The following ZNF267 variants were observed in gnomAD, a reference collection of about 807,000 sequenced individuals.
ZNF267 encodes zinc finger (C2H2).
Under a neutral mutation model 71.6 loss-of-function variants are expected in ZNF267, and 61 were observed. That is an observed-to-expected ratio of 0.85 (90% confidence interval 0.69 to 1.05). ZNF267 has a LOEUF of 1.05. Among genes scored for constraint, ZNF267 ranks in the 50% least tolerant of loss-of-function variants. The probability of loss-of-function intolerance (pLI) is 0.00; values close to 1 mark genes in which losing one functional copy is unlikely to be tolerated. For synonymous variants in ZNF267, 288 were observed against 293.2 expected, an observed-to-expected ratio of 0.98 and a Z score of 0.18; for missense variants, 852 against 870.0, an observed-to-expected ratio of 0.98 and a Z score of 0.26.
At chr16:31,895,193 C>T (rs904125046) in intron 3 of ZNF267, among the ~76,000 whole-genome samples, 2 of 152,204 alleles carry the variant, frequency 1.3e-5, no homozygotes, top group African/African-American at 2.4e-5. Context: ...AGGCAGCCTG[C>T]GGCCAGACAT....
chr16:31,882,131 T>C (rs2083894785), intron 1 of ZNF267, among the ~76,000 whole-genome samples: 1 of 152,060 alleles, frequency 6.6e-6, no homozygotes, highest in South Asian at 2.1e-4. Context: ...ATCCCAGGGG[T>C]TTATATGGCT....
chr16:31,883,685 C>T (rs2083905139), intron 1 of ZNF267, among the ~76,000 whole-genome samples: 1 of 152,148 alleles, frequency 6.6e-6, no homozygotes, highest in African/African-American at 2.4e-5. Flanking sequence ...ATGTAAACAA[C>T]TTTTAGGATG....
chr16:31,887,803 A>G (rs1278581230), intron 3 of ZNF267, among the ~76,000 whole-genome samples: 2 of 152,102 alleles, frequency 1.3e-5, no homozygotes, highest in African/African-American at 4.8e-5. Context: ...TTTGAAATGA[A>G]GAAGTGTGAT....
chr16:31,912,067 TC>T (rs1358216798), intron 3 of ZNF267: 1 of 151,744 alleles, frequency 6.6e-6, no homozygotes, highest in Non-Finnish European at 1.5e-5. Flanking sequence ...ATTGAGTATT[TC>T]TACTTGAGTA....
At chr16:31,885,700 T>C (rs2083919555) in intron 3 of ZNF267, among the ~76,000 whole-genome samples, 2 of 152,242 alleles carry the variant, frequency 1.3e-5, no homozygotes, top group Admixed American at 6.5e-5. Context: ...AGATGTCACA[T>C]ATTTTCTGAT....
At chr16:31,898,655 A>G (rs1355693254) in intron 3 of ZNF267, among the ~76,000 whole-genome samples, 1 of 152,098 alleles carries the variant, frequency 6.6e-6, no homozygotes, top group Non-Finnish European at 1.5e-5. Flanking sequence ...TCTTAAAATT[A>G]TTAACAATTT....
chr16:31,883,595 A>G (rs2083904546), intron 1 of ZNF267, among the ~76,000 whole-genome samples: 1 of 152,228 alleles, frequency 6.6e-6, no homozygotes, highest in South Asian at 2.1e-4. Flanking sequence ...ACAAACTACT[A>G]TGTAGCAAAT....
At chr16:31,890,287 A>G (rs2142339672) in intron 3 of ZNF267, 1 of 152,272 alleles carries the variant, frequency 6.6e-6, no homozygotes, top group African/African-American at 2.4e-5. Flanking sequence ...TGGGTGCTCC[A>G]GTGTTGGGTG....
rs1021736030 is a variant in ZNF267, at chr16:31,877,721, G to GT, written c.3+3758dup. Among the ~76,000 whole-genome samples, 9 of 152,244 alleles carry GT rather than the reference G, an allele frequency of 5.9e-5. No homozygotes were observed. The South Asian group carries it at 8.3e-4, about 14-fold the overall frequency. ...GCATCATCGAAGTCATAATAGGGTT[G>GT]TTTTTTGCAGTAGGCTGTTCTTGGA... On this transcript the variant is annotated intron_variant, in intron 1 of 3. Transcript: ENST00000300870.
chr16:31,874,613 T>C (rs1232284217), intron 1 of ZNF267, among the ~76,000 whole-genome samples: 1 of 152,228 alleles, frequency 6.6e-6, no homozygotes, highest in African/African-American at 2.4e-5. Context: ...CCCCTAAAGT[T>C]GTAATTTACA....
chr16:31,913,022 T>C (rs965674051), intron 3 of ZNF267: 3 of 152,220 alleles, frequency 2.0e-5, no homozygotes, highest in Non-Finnish European at 1.5e-5. Flanking sequence ...TTCAGTTTGT[T>C]AGGTGAGGCC....
At position 31,876,691 on chromosome 16, in the gene ZNF267, T is replaced by C. The variant is rs555249569; in HGVS notation, c.3+2722T>C. 3.9e-5 allele frequency among the ~76,000 whole-genome samples: 6 copies of C among 152,368 alleles called. No homozygotes were observed. The East Asian group carries it at 1.2e-3, about 29-fold the overall frequency. ...TATAAATTATAAAGGCGTTTCACTT[T>C]CCTTTATTCTATAAACACTGTTTGA... is the stretch of plus-strand genomic sequence containing the variant. On this transcript the variant is annotated intron_variant, in intron 1 of 3. Coordinates refer to ENST00000300870, the MANE Select transcript of ZNF267 (RefSeq NM_003414.6).
intron 3 of ZNF267, among the ~76,000 whole-genome samples, chr16:31,905,145 C>G (rs1269089195): frequency 1.3e-5 from 2 of 152,270 alleles, no homozygotes; most frequent in East Asian, 3.9e-4. Context: ...GAGTTTCTGC[C>G]AAGAGATCAG....
intron 3 of ZNF267, among the ~76,000 whole-genome samples, chr16:31,892,776 T>C (rs1037012651): frequency 1.3e-5 from 2 of 152,274 alleles, no homozygotes; most frequent in Admixed American, 1.3e-4. Flanking sequence ...GTCATGCTGA[T>C]GCAAGAGGTG....
intron 1 of ZNF267, among the ~76,000 whole-genome samples, chr16:31,875,530 TG>T (rs1266300548): frequency 6.6e-6 from 1 of 152,122 alleles, no homozygotes; most frequent in Non-Finnish European, 1.5e-5. Flanking sequence ...TTCAGATTTG[TG>T]AAGGGAGAAA....
chr16:31,876,748 C>T (rs1391066704), intron 1 of ZNF267, among the ~76,000 whole-genome samples: 2 of 152,202 alleles, frequency 1.3e-5, no homozygotes, highest in African/African-American at 4.8e-5. Context: ...ACTGGGCATT[C>T]TCATTGAATA....
intron 3 of ZNF267, among the ~76,000 whole-genome samples, chr16:31,905,784 C>G (rs970992245): frequency 1.3e-5 from 2 of 152,170 alleles, no homozygotes; most frequent in Non-Finnish European, 2.9e-5. Flanking sequence ...CTTCTCTCAC[C>G]TCGTCAAAGT....
intron 1 of ZNF267, among the ~76,000 whole-genome samples, chr16:31,875,922 C>CT (rs996222484): frequency 3.3e-5 from 5 of 151,934 alleles, no homozygotes; most frequent in African/African-American, 1.2e-4. Context: ...TTCTTACTAT[C>CT]TTTTTTTTCA....
chr16:31,878,547 T>C (rs2083868018), intron 1 of ZNF267, among the ~76,000 whole-genome samples: 1 of 152,152 alleles, frequency 6.6e-6, no homozygotes. Context: ...AGACACTGAA[T>C]CCGTAGCAGC....
Sources: allele counts gnomAD v4.1 joint callset (sites outside exome capture counted in the v4.1 genomes callset), GRCh38; gene constraint gnomAD v4.1.1; transcripts MANE v1.5; gene names NCBI Gene and HGNC (gene_info 2026-07-23, HGNC 2026-07-21).